FAM169A: variants seen among roughly 807,000 people sequenced by gnomAD.
The protein encoded by FAM169A is family with sequence similarity 169 member A, also known as soluble lamin-associated protein of 75 kDa.
Under a neutral mutation model 75.7 loss-of-function variants are expected in FAM169A, and 24 were observed. The ratio of observed to expected loss-of-function variants is 0.32; its 90% CI spans 0.23 to 0.45. The LOEUF is 0.45. Among genes scored for constraint, FAM169A ranks in the 20% least tolerant of loss-of-function variants. FAM169A has a pLI of 1.00. For synonymous variants in FAM169A, 271 were observed against 271.0 expected, an observed-to-expected ratio of 1.00 and a Z score of 0.00; for missense variants, 673 against 784.0, an observed-to-expected ratio of 0.86 and a Z score of 1.69.
chr5:74,826,891 T>A (rs1182702311), intron 5 of FAM169A, among the ~76,000 whole-genome samples: 1 of 152,222 alleles, frequency 6.6e-6, no homozygotes, highest in Non-Finnish European at 1.5e-5. Flanking sequence ...TAGTTTAATA[T>A]ATCCCTAAAC....
At chr5:74,784,607 T>C (rs1489146874) in intron 11 of FAM169A, among the ~76,000 whole-genome samples, 1 of 60,580 alleles carries the variant, frequency 1.7e-5, no homozygotes, top group African/African-American at 6.7e-5. Context: ...CAACCCAGGC[T>C]AAAAAAAAAA....
chr5:74,801,174 G>A, intron 9 of FAM169A, 144 bp from the exon 10 acceptor site: 2 of 540,612 alleles, frequency 3.7e-6, no homozygotes, highest in Non-Finnish European at 6.1e-6. Context: ...ACTTATGTCA[G>A]GCTAAGAAAA....
chr5:74,781,743 G>C lies in FAM169A; in HGVS notation c.1730C>G (p.Ser577Cys), dbSNP rs1745420550. Residue 577 changes from serine (S) to cysteine (C), a missense_variant, in exon 13 of 13, where the codon TCT (serine) becomes TGT (cysteine). Ser to Cys is a moderately radical substitution (Grantham distance 112). Coordinates refer to ENST00000687041, the MANE Select transcript of FAM169A (RefSeq NM_001376049.1). ...SLEDQGEEGV[S>C]EPQETSTALP... ...AGCAGTAGATGTTTCCTGGGGCTCA[G>C]ATACCCCCTCCTCACCCTGGTCTTC... 1.2e-6 allele frequency: 2 copies of C among 1,614,108 alleles called. No individual in the cohort carries two copies. The highest frequency in any genetic ancestry group is 4.5e-5 in the East Asian group (2 of 44,888).
At chr5:74,859,932 A>C (rs1254805491) in intron 1 of FAM169A, among the ~76,000 whole-genome samples, 1 of 152,160 alleles carries the variant, frequency 6.6e-6, no homozygotes, top group Non-Finnish European at 1.5e-5. Context: ...AAGGGAGAAA[A>C]GGTAAGAAGA....
intron 10 of FAM169A, among the ~76,000 whole-genome samples, chr5:74,798,101 A>G (rs570440908): frequency 7.9e-5 from 12 of 152,120 alleles, no homozygotes; most frequent in South Asian, 2.1e-4. Flanking sequence ...CCCAAATGCC[A>G]AATCTCTCCA....
intron 5 of FAM169A, among the ~76,000 whole-genome samples, chr5:74,815,084 G>T (rs1475166706): frequency 6.6e-6 from 1 of 151,992 alleles, no homozygotes; most frequent in African/African-American, 2.4e-5. Context: ...GACTGAATTG[G>T]ATTACTTACA....
chr5:74,839,688 C>T (rs1387731324), intron 3 of FAM169A, among the ~76,000 whole-genome samples: 3 of 152,020 alleles, frequency 2.0e-5, no homozygotes, highest in Admixed American at 6.6e-5. Context: ...CCACGCCCAG[C>T]TAATTTTGTA....
At chr5:74,810,973 G>GA (rs1747161513) in intron 6 of FAM169A, among the ~76,000 whole-genome samples, 1 of 125,448 alleles carries the variant, frequency 8.0e-6, no homozygotes, top group Non-Finnish European at 1.6e-5. Flanking sequence ...ACTAGGCCTG[G>GA]ATTTTTTTTT....
intron 1 of FAM169A, among the ~76,000 whole-genome samples, chr5:74,843,352 G>A (rs965500668): frequency 6.6e-6 from 1 of 152,034 alleles, no homozygotes; most frequent in Non-Finnish European, 1.5e-5. Flanking sequence ...TTTTCCTGAG[G>A]CAAGAAAAGT....
intron 5 of FAM169A, among the ~76,000 whole-genome samples, chr5:74,831,862 C>T (rs1007824378): frequency 1.3e-5 from 2 of 152,104 alleles, no homozygotes; most frequent in South Asian, 4.1e-4. Context: ...TTATGAGACA[C>T]GGACAGATCT....
At chr5:74,827,812 G>A (rs1236733266) in intron 5 of FAM169A, among the ~76,000 whole-genome samples, 3 of 151,324 alleles carry the variant, frequency 2.0e-5, no homozygotes, top group South Asian at 2.1e-4. Context: ...ACAGGAACCC[G>A]CCATCATGCC....
chr5:74,809,685 T>C (rs973414649), intron 6 of FAM169A, among the ~76,000 whole-genome samples: 1 of 152,222 alleles, frequency 6.6e-6, no homozygotes, highest in Non-Finnish European at 1.5e-5. Flanking sequence ...TTACTTGTTC[T>C]ACCCTTTTTT....
intron 9 of FAM169A, among the ~76,000 whole-genome samples, chr5:74,801,384 A>G (rs932961904): frequency 2.0e-5 from 3 of 152,202 alleles, no homozygotes; most frequent in African/African-American, 4.8e-5. Flanking sequence ...GAAACAAGGA[A>G]GAGAGAGGTA....
chr5:74,810,273 CAGAA>C (rs1418567587), intron 6 of FAM169A, among the ~76,000 whole-genome samples: 1 of 152,102 alleles, frequency 6.6e-6, no homozygotes, highest in Non-Finnish European at 1.5e-5. Flanking sequence ...GTGGTACTGA[CAGAA>C]AGCACATCAG....
intron 7 of FAM169A, 103 bp downstream of exon 7, chr5:74,805,053 C>T: frequency 1.1e-6 from 1 of 926,650 alleles, no homozygotes; most frequent in Non-Finnish European, 1.7e-6. Flanking sequence ...TAAGACACAA[C>T]CATTATTAGC....
chr5:74,851,238 C>T (rs1749428805), intron 1 of FAM169A, among the ~76,000 whole-genome samples: 1 of 127,598 alleles, frequency 7.8e-6, no homozygotes, highest in Non-Finnish European at 1.7e-5. Context: ...GGGCCTCCTT[C>T]CTCCAGTAGC....
chr5:74,812,695 T>C (rs1432075657), intron 6 of FAM169A, among the ~76,000 whole-genome samples: 1 of 152,026 alleles, frequency 6.6e-6, no homozygotes, highest in African/African-American at 2.4e-5. Context: ...CCAAAGAAGA[T>C]ATACAAATAA....
chr5:74,847,041 G>A (rs527547515), intron 1 of FAM169A, among the ~76,000 whole-genome samples: 3 of 151,928 alleles, frequency 2.0e-5, no homozygotes, highest in Admixed American at 1.3e-4. Context: ...GTCAAGTGCC[G>A]GTATCACTAT....
At chr5:74,819,613 C>T (rs770980229) in intron 5 of FAM169A, among the ~76,000 whole-genome samples, 4 of 152,180 alleles carry the variant, frequency 2.6e-5, no homozygotes, top group Non-Finnish European at 4.4e-5. Flanking sequence ...TTCATATCAG[C>T]ATTGTTCAAA....
Sources: gnomAD v4.1 joint callset for allele counts (sites outside exome capture counted in the v4.1 genomes callset) on GRCh38, gnomAD v4.1.1 for gene constraint, MANE v1.5 for transcripts, NCBI Gene and HGNC (gene_info 2026-07-23, HGNC 2026-07-21) for gene names.